The following CREB3L2 variants were observed in gnomAD, a reference collection of about 807,000 sequenced individuals.
The protein encoded by CREB3L2 is cyclic AMP-responsive element-binding protein 3-like protein 2.
Under a neutral mutation model 57.2 loss-of-function variants are expected in CREB3L2, and 23 were observed. That is an observed-to-expected ratio of 0.40 (90% CI 0.29 to 0.57). The LOEUF (loss-of-function observed/expected upper bound fraction) is 0.57, where lower values mean the gene tolerates loss of function less well. CREB3L2 is among the 20% of genes least tolerant of loss of function. The pLI is 0.42. For missense variants in CREB3L2, 628 were observed against 634.7 expected (o/e 0.99, Z 0.11); for synonymous variants, 268 against 265.1 (o/e 1.01, Z -0.11).
intron 7 of CREB3L2, among the ~76,000 whole-genome samples, chr7:137,903,044 C>T (rs1389031308): frequency 6.6e-6 from 1 of 152,092 alleles, no homozygotes; most frequent in Non-Finnish European, 1.5e-5. Context: ...AACTCCTGAG[C>T]TCAAGCAATC....
At chr7:137,883,596 T>C (rs1799345340) in intron 10 of CREB3L2, among the ~76,000 whole-genome samples, 1 of 152,176 alleles carries the variant, frequency 6.6e-6, no homozygotes, top group African/African-American at 2.4e-5. Flanking sequence ...AATAATAAAA[T>C]AGAACAATTC....
At position 137,904,030 on chromosome 7, in the gene CREB3L2, A is replaced by G. The variant is rs757319157; in HGVS notation, c.916-13T>C. The G allele has an allele frequency of 6.2e-7, 1 of 1,603,952 alleles. No homozygotes were observed. On this transcript the variant is annotated splice_polypyrimidine_tract_variant and intron_variant, in intron 6 of 11. Transcript: ENST00000330387. ...CCTGAGCAGAAATCTGAGAGAGAGG[A>G]GTGGGAGGAGAATGATTAATTTCCA...
chr7:137,972,019 T>G (rs116646714), intron 1 of CREB3L2, among the ~76,000 whole-genome samples: 3,902 of 151,988 alleles, frequency 0.026, 178 homozygotes, highest in African/African-American at 0.089. Flanking sequence ...GTTATATGAA[T>G]ATGTTTTATT....
chr7:137,892,388 T>C (rs1799544245), intron 8 of CREB3L2, among the ~76,000 whole-genome samples: 1 of 150,878 alleles, frequency 6.6e-6, no homozygotes, highest in Non-Finnish European at 1.5e-5. Flanking sequence ...CGGTAGCTCA[T>C]GCCTATAATC....
At chr7:137,935,181 A>C (rs892170776) in intron 1 of CREB3L2, among the ~76,000 whole-genome samples, 20 of 152,232 alleles carry the variant, frequency 1.3e-4, no homozygotes, top group African/African-American at 4.3e-4. Context: ...TGAAGTTAAC[A>C]ATAGTTCCGG....
intron 1 of CREB3L2, among the ~76,000 whole-genome samples, chr7:137,950,419 T>C (rs2117270235): frequency 6.6e-6 from 1 of 152,308 alleles, no homozygotes; most frequent in African/African-American, 2.4e-5. Context: ...CTGGACCACA[T>C]CAAAGAAGCT....
chr7:137,972,715 A>AAAACAAACAAAC (rs1563270150), intron 1 of CREB3L2, among the ~76,000 whole-genome samples: 2 of 32,136 alleles, frequency 6.2e-5, no homozygotes, highest in African/African-American at 1.5e-4. Flanking sequence ...AAAAAAAAAT[A>AAAACAAACAAAC]TATATATATA....
At chr7:137,934,471 G>A (rs918659466) in intron 1 of CREB3L2, among the ~76,000 whole-genome samples, 60 of 152,214 alleles carry the variant, frequency 3.9e-4, no homozygotes, top group African/African-American at 1.4e-3. Flanking sequence ...GAAAACTGGG[G>A]CTCAGGATAA....
intron 1 of CREB3L2, among the ~76,000 whole-genome samples, chr7:137,936,694 G>A (rs373176941): frequency 3.0e-4 from 45 of 152,238 alleles, no homozygotes; most frequent in African/African-American, 8.2e-4. Flanking sequence ...AGGCTGACCC[G>A]CCCCTGAAGT....
At chr7:137,969,340 CTTTTTTTTT>C (rs71177936) in intron 1 of CREB3L2, among the ~76,000 whole-genome samples, 2 of 77,070 alleles carry the variant, frequency 2.6e-5, no homozygotes, top group East Asian at 3.9e-4. Flanking sequence ...TTATGATCTT[CTTTTTTTTT>C]TTTTTTTTTT....
intron 8 of CREB3L2, among the ~76,000 whole-genome samples, chr7:137,892,087 A>G (rs774966228): frequency 3.9e-5 from 6 of 152,072 alleles, no homozygotes; most frequent in Admixed American, 6.5e-5. Context: ...CAAATCATGA[A>G]CCATTTGTGG....
Position 137,876,331 on chromosome 7 carries a change from CGTGTGTGTGTGT to C in CREB3L2, c.*4133_*4144del, listed in dbSNP as rs10534110. ...TGAGCATGTAAGGGAGGAATGTGCA[CGTGTGTGTGTGT>C]GTGTGTGTGTGTGTGTGTGTGTGTG... On this transcript the variant is annotated 3_prime_UTR_variant, in exon 12 of 12. Transcript: ENST00000330387. 2,514 of 223,230 alleles carry C rather than the reference CGTGTGTGTGTGT, an allele frequency of 0.011. 52 individuals carry two copies. Among genetic ancestry groups the C allele is most frequent in the African/African-American group, 0.054 (2,355 of 43,610 alleles). The allele number at this position is 223,230 out of a possible 1,614,324, so 13.8% of individuals were successfully genotyped here.
chr7:137,943,028 A>G (rs1411562441), intron 1 of CREB3L2, among the ~76,000 whole-genome samples: 1 of 152,214 alleles, frequency 6.6e-6, no homozygotes, highest in Non-Finnish European at 1.5e-5. Context: ...TTGCTGGCAT[A>G]GCAGAAAGAA....
At chr7:137,937,838 AT>A (rs1800816947) in intron 1 of CREB3L2, among the ~76,000 whole-genome samples, 1 of 147,578 alleles carries the variant, frequency 6.8e-6, no homozygotes, top group Non-Finnish European at 1.5e-5. Context: ...AAAAAAAAAA[AT>A]TAAATAAATA....
chr7:137,883,643 C>T lies in CREB3L2; in HGVS notation c.1271-1015G>A, dbSNP rs143288423. Reference sequence around the variant, plus strand: ...TCTAATAAAAGTTACATGAATGTGGCCTCTCTCTCTCAAAATTTCTTATGG... The same window carrying T: ...TCTAATAAAAGTTACATGAATGTGGTCTCTCTCTCTCAAAATTTCTTATGG... On this transcript the variant is annotated intron_variant, in intron 10 of 11. Coordinates refer to ENST00000330387, the MANE Select transcript of CREB3L2 (RefSeq NM_194071.4). Among the ~76,000 whole-genome samples, 595 of 152,052 alleles carry T rather than the reference C, an allele frequency of 3.9e-3. 6 individuals are homozygous for T. Among genetic ancestry groups the T allele is most frequent in the African/African-American group, 0.014 (578 of 41,468 alleles).
At chr7:137,957,327 C>A (rs1192042868) in intron 1 of CREB3L2, among the ~76,000 whole-genome samples, 1 of 152,208 alleles carries the variant, frequency 6.6e-6, no homozygotes, top group Non-Finnish European at 1.5e-5. Flanking sequence ...TTACTTTCTG[C>A]ATTTTTTTTA....
At chr7:138,000,350 G>A (rs1356286193) in intron 1 of CREB3L2, among the ~76,000 whole-genome samples, 2 of 152,208 alleles carry the variant, frequency 1.3e-5, no homozygotes, top group Non-Finnish European at 2.9e-5. Context: ...TGCCCACATA[G>A]TGTCCCCATG....
chr7:137,956,637 G>T (rs767902537), intron 1 of CREB3L2: 8 of 1,288,862 alleles, frequency 6.2e-6, no homozygotes, highest in Non-Finnish European at 8.1e-6. Flanking sequence ...CGAGAAGCCA[G>T]CAGCCCAGGT....
At chr7:137,894,431 T>C (rs1799581604) in intron 8 of CREB3L2, among the ~76,000 whole-genome samples, 1 of 152,182 alleles carries the variant, frequency 6.6e-6, no homozygotes, top group African/African-American at 2.4e-5. Flanking sequence ...ACCTGACATA[T>C]TGTGAAGGAT....
Sources: allele counts gnomAD v4.1 joint callset (sites outside exome capture counted in the v4.1 genomes callset), GRCh38; gene constraint gnomAD v4.1.1; transcripts MANE v1.5; gene names NCBI Gene and HGNC (gene_info 2026-07-23, HGNC 2026-07-21).